The following AP2B1 variants were observed in gnomAD, a reference collection of about 807,000 sequenced individuals.
The protein encoded by AP2B1 is adaptor related protein complex 2 subunit beta 1.
Under a neutral mutation model 102.0 loss-of-function variants are expected in AP2B1, and 23 were observed. The observed-to-expected ratio is 0.23, with a 90% CI of 0.16 to 0.32. The LOEUF (loss-of-function observed/expected upper bound fraction) is 0.32. AP2B1 is among the 10% of genes least tolerant of loss of function. The pLI is 1.00. For missense variants in AP2B1, 541 were observed against 1,157.4 expected, an observed-to-expected ratio of 0.47 and a Z score of 7.73; for synonymous variants, 381 against 421.2, an observed-to-expected ratio of 0.90 and a Z score of 1.17.
intron 14 of AP2B1, chr17:35,660,139 G>T: frequency 1.1e-6 from 1 of 931,276 alleles, no homozygotes; most frequent in Non-Finnish European, 1.3e-6. Context: ...ACAAGAGAGG[G>T]TTTGTTTTGT....
At chr17:35,645,718 A>G (rs1598158902) in intron 12 of AP2B1, among the ~76,000 whole-genome samples, 1 of 152,104 alleles carries the variant, frequency 6.6e-6, no homozygotes, top group Admixed American at 6.5e-5. Flanking sequence ...GCGTGGTGGC[A>G]TGCGCCTGTA....
intron 9 of AP2B1, among the ~76,000 whole-genome samples, chr17:35,634,368 A>C (rs941937767): frequency 6.6e-6 from 1 of 152,186 alleles, no homozygotes; most frequent in Non-Finnish European, 1.5e-5. Context: ...TTTTAGCAAG[A>C]ATACCTATTG....
At chr17:35,666,915 C>A (rs1344818560) in intron 14 of AP2B1, among the ~76,000 whole-genome samples, 2 of 152,156 alleles carry the variant, frequency 1.3e-5, no homozygotes, top group Non-Finnish European at 2.9e-5. Flanking sequence ...GTGGGAGAAT[C>A]GCTTGAGCCC....
chr17:35,719,249 A>G (rs2085281294), intron 21 of AP2B1, among the ~76,000 whole-genome samples: 2 of 151,984 alleles, frequency 1.3e-5, no homozygotes, highest in Non-Finnish European at 2.9e-5. Flanking sequence ...CAGTTTTTAC[A>G]TTACTTTTGG....
chr17:35,647,995 G>A (rs1248343368), intron 12 of AP2B1, among the ~76,000 whole-genome samples: 1 of 150,628 alleles, frequency 6.6e-6, no homozygotes, highest in Non-Finnish European at 1.5e-5. Context: ...GGGTTCAAAT[G>A]ATTCTTCTGC....
chr17:35,680,700 G>GTTTTTTTTTTTTTTTTTT (rs1176447688), intron 17 of AP2B1, among the ~76,000 whole-genome samples: 1 of 128,942 alleles, frequency 7.8e-6, no homozygotes, highest in Non-Finnish European at 1.6e-5. Flanking sequence ...TTTTTTTTTT[G>GTTTTTTTTTTTTTTTTTT]TTTTTTTTTT....
intron 16 of AP2B1, 70 bp downstream of exon 16, chr17:35,671,970 T>A: frequency 6.5e-7 from 1 of 1,539,146 alleles, no homozygotes; most frequent in East Asian, 2.3e-5. Context: ...TTTCAACATT[T>A]GTGTTACTTC....
At chr17:35,620,841 T>C (rs1167920034) in intron 5 of AP2B1, among the ~76,000 whole-genome samples, 3 of 152,286 alleles carry the variant, frequency 2.0e-5, no homozygotes, top group East Asian at 3.9e-4. Flanking sequence ...AATTTTTTTC[T>C]TGGAAACTCT....
At chr17:35,620,541 A>G (rs1277896655) in intron 5 of AP2B1, among the ~76,000 whole-genome samples, 1 of 152,046 alleles carries the variant, frequency 6.6e-6, no homozygotes, top group Non-Finnish European at 1.5e-5. Context: ...TTGGCTGGGT[A>G]TGGTGACTCA....
rs587729879 is a variant in AP2B1, at chr17:35,698,960, A to G, written c.2455-10264A>G. Among the ~76,000 whole-genome samples the G allele has an allele frequency of 5.9e-5, 9 of 152,340 alleles. No individual in the cohort carries two copies. In the East Asian group the frequency reaches 9.6e-4, roughly 16 times the overall value. On this transcript the variant is annotated intron_variant, in intron 18 of 21. Transcript: ENST00000610402. ...CTATTCATACCACTTTACAATCTTT[A>G]TCTAATCTTTAGTGTTCTGAAGATT...
At chr17:35,711,221 C>G (rs1035559807) in intron 20 of AP2B1, among the ~76,000 whole-genome samples, 10 of 152,046 alleles carry the variant, frequency 6.6e-5, no homozygotes, top group African/African-American at 2.2e-4. Context: ...GAAGTTAGTA[C>G]TAGGCTTTGT....
At chr17:35,602,802 C>T (rs568693867) in intron 3 of AP2B1, among the ~76,000 whole-genome samples, 1 of 152,316 alleles carries the variant, frequency 6.6e-6, no homozygotes, top group Non-Finnish European at 1.5e-5. Context: ...TGGCACTTAA[C>T]ACTTTTTACT....
At chr17:35,642,892 T>C (rs225272) in intron 12 of AP2B1, among the ~76,000 whole-genome samples, 72,921 of 151,930 alleles carry the variant, frequency 0.48, 17,565 homozygotes, top group East Asian at 0.52. Flanking sequence ...TTCCTCTGCC[T>C]GAAGCAAAGC....
chr17:35,639,406 A>G (rs2074704336), intron 10 of AP2B1, among the ~76,000 whole-genome samples, 189 bp from the exon 11 acceptor site: 1 of 152,206 alleles, frequency 6.6e-6, no homozygotes, highest in Non-Finnish European at 1.5e-5. Flanking sequence ...GGTCTTAAAA[A>G]ATAATTGAAG....
rs1276244293 is a variant in AP2B1 at position 35,589,078 on chromosome 17, T to A, written c.-24+1650T>A. 2.0e-5 allele frequency among the ~76,000 whole-genome samples: 3 copies of A among 152,228 alleles called. No individual in the cohort carries two copies. In the East Asian group the frequency reaches 5.8e-4, roughly 29 times the overall value. ...TGGTTAAGAATTAGATGTAAAACTT[T>A]TGAACTCCTTTGCTTCGTTATAATA... On this transcript the variant is annotated intron_variant, in intron 1 of 21. Coordinates refer to ENST00000610402, the MANE Select transcript of AP2B1 (RefSeq NM_001030006.2).
intron 9 of AP2B1, among the ~76,000 whole-genome samples, chr17:35,630,552 A>C (rs2074434384): frequency 6.6e-6 from 1 of 152,072 alleles, no homozygotes; most frequent in African/African-American, 2.4e-5. Context: ...CTTATGACCT[A>C]CCTCTCTGAC....
chr17:35,589,192 T>C (rs2073002787), intron 1 of AP2B1, among the ~76,000 whole-genome samples: 1 of 152,250 alleles, frequency 6.6e-6, no homozygotes, highest in Non-Finnish European at 1.5e-5. Context: ...ATGAGCAAGG[T>C]AATACCTGAT....
intron 18 of AP2B1, among the ~76,000 whole-genome samples, chr17:35,701,534 G>A (rs2076238921): frequency 6.6e-6 from 1 of 152,174 alleles, no homozygotes; most frequent in Non-Finnish European, 1.5e-5. Flanking sequence ...TTCACAGTAT[G>A]TGTCCATTCT....
chr17:35,594,293 T>C (rs185093838), intron 2 of AP2B1, among the ~76,000 whole-genome samples: 134 of 152,310 alleles, frequency 8.8e-4, no homozygotes, highest in East Asian at 2.9e-3. Context: ...AGGTTCTGTT[T>C]AGTGAAAGAG....
Sources: allele counts gnomAD v4.1 joint callset (sites outside exome capture counted in the v4.1 genomes callset), GRCh38; gene constraint gnomAD v4.1.1; transcripts MANE v1.5; gene names NCBI Gene and HGNC (gene_info 2026-07-23, HGNC 2026-07-21).